Variants in VPS26C observed in about 807,000 individuals in gnomAD.
VPS26C encodes the protein vacuolar protein sorting-associated protein 26C.
In VPS26C, 19 loss-of-function variants were observed where a neutral mutation model predicts 30.6. The ratio of observed to expected loss-of-function variants is 0.62; its 90% confidence interval spans 0.43 to 0.91. VPS26C has a LOEUF of 0.91. VPS26C is among the 40% of genes least tolerant of loss of function. The pLI is 0.00. For synonymous variants in VPS26C, 132 were observed against 151.5 expected (o/e 0.87, Z 0.95); for missense variants, 318 against 385.1 (o/e 0.83, Z 1.46).
At chr21:37,251,764 T>C (rs2086195946) in intron 1 of VPS26C, among the ~76,000 whole-genome samples, 1 of 152,184 alleles carries the variant, frequency 6.6e-6, no homozygotes, top group South Asian at 2.1e-4. Context: ...TAGACCTCAA[T>C]GTACAAAGTT....
At chr21:37,265,754 C>G (rs1016952775) in intron 1 of VPS26C, among the ~76,000 whole-genome samples, 5 of 151,996 alleles carry the variant, frequency 3.3e-5, no homozygotes, top group African/African-American at 1.2e-4. Context: ...GGCAGGAATA[C>G]TACATAGGTG....
chr21:37,250,155 A>G (rs545497262), intron 1 of VPS26C, among the ~76,000 whole-genome samples: 1 of 152,184 alleles, frequency 6.6e-6, no homozygotes, highest in East Asian at 1.9e-4. Context: ...AATACAAAAA[A>G]TTAGCCAGGC....
At chr21:37,267,712 G>A (rs768077836), upstream of VPS26C, 78 of 247,824 alleles carry the variant, frequency 3.1e-4, no homozygotes, top group Non-Finnish European at 5.2e-4. Context: ...GCCTGCGCAG[G>A]AAGGATGACG....
In VPS26C at chr21:37,228,224, G is replaced by T. The variant is rs762949176; in HGVS notation, c.657C>A (p.Cys219Ter). ...VELQLVRVETCGCAEGYARDA... is the reference protein window; with the variant it reads ...VELQLVRVET ...CAGGCCTGGTGGCACGGCCCTCACCGCACGTCTCCACGCGCACCAGCTGCA... is the reference window on the plus strand; with the variant it reads ...CAGGCCTGGTGGCACGGCCCTCACCTCACGTCTCCACGCGCACCAGCTGCA... The change falls in exon 6 of 8, where the codon TGC becomes TGA. Residue 219 changes from cysteine (C) to a stop codon, truncating the protein, a stop_gained and splice_region_variant. Transcript: ENST00000309117. LOFTEE classifies it high-confidence loss of function. 6.8e-6 allele frequency: 11 copies of T among 1,611,120 alleles called. No homozygotes were observed. Among genetic ancestry groups the T allele is most frequent in the Non-Finnish European group, 9.3e-6 (11 of 1,179,960 alleles).
chr21:37,264,791 T>C (rs1249501783), intron 1 of VPS26C, among the ~76,000 whole-genome samples: 1 of 152,184 alleles, frequency 6.6e-6, no homozygotes, highest in African/African-American at 2.4e-5. Flanking sequence ...CTCCTAGGTA[T>C]ATATCCAAGA....
At chr21:37,267,772 C>G, upstream of VPS26C, 1 of 187,210 alleles carries the variant, frequency 5.3e-6, no homozygotes, top group Non-Finnish European at 1.1e-5. Context: ...AGTTGTCTTT[C>G]AGGAGGTTTT....
At chr21:37,262,968 T>C (rs1414756200) in intron 1 of VPS26C, among the ~76,000 whole-genome samples, 1 of 152,096 alleles carries the variant, frequency 6.6e-6, no homozygotes, top group East Asian at 1.9e-4. Flanking sequence ...TTTCGCCACG[T>C]TGGCCAGGCT....
At chr21:37,247,056 A>G (rs1191731484) in intron 1 of VPS26C, among the ~76,000 whole-genome samples, 1 of 152,196 alleles carries the variant, frequency 6.6e-6, no homozygotes, top group Non-Finnish European at 1.5e-5. Context: ...CACCTGGTCT[A>G]CACTTTTCAG....
rs2085905212 is a variant in VPS26C, at chr21:37,226,881, GTC to G, written c.811+771_811+772del. 1 of 152,182 alleles carries G rather than the reference GTC, an allele frequency of 6.6e-6. No individual in the cohort carries two copies. The highest frequency in any genetic ancestry group is 1.5e-5 in the Non-Finnish European group (1 of 68,036). The allele number at this position is 152,182 out of a possible 1,614,324, so 9.4% of individuals were successfully genotyped here. A position where few individuals can be genotyped will look rare whatever the true frequency, so the allele number is the denominator to read the frequency against. ...AGAAGGCTCGGTCCCTTCCTACTGG[GTC>G]TCTCTGTTCTACTTCTTCGTAGTGT... On this transcript the variant is annotated intron_variant, in intron 7 of 7. Transcript: ENST00000309117. This position sits in a 1 kb window ranked among gnomAD's most constrained non-coding sequence, Gnocchi z 4.1.
rs372307724 is a variant in VPS26C at position 37,233,445 on chromosome 21, A to G, written c.352-3T>C. On this transcript the variant is annotated splice_polypyrimidine_tract_variant and splice_region_variant and intron_variant, in intron 3 of 7. Coordinates refer to ENST00000309117, the MANE Select transcript of VPS26C (RefSeq NM_006052.2). This position sits in a 1 kb window ranked among gnomAD's most constrained non-coding sequence, Gnocchi z 5.2. ...TTCATGTCACAGCGCAGTGTATACTAAAGGGGAGAGTTGGAGGAAAAAAGT... is the reference window on the plus strand; with the variant it reads ...TTCATGTCACAGCGCAGTGTATACTGAAGGGGAGAGTTGGAGGAAAAAAGT... The G allele has an allele frequency of 6.2e-7, 1 of 1,612,528 alleles. No individual in the cohort carries two copies. Among genetic ancestry groups the G allele is most frequent in the African/African-American group, 1.3e-5 (1 of 74,896 alleles).
At chr21:37,238,191 A>G in intron 3 of VPS26C, 2 of 426,354 alleles carry the variant, frequency 4.7e-6, no homozygotes, top group Non-Finnish European at 8.4e-6. Flanking sequence ...ATCCCTTACA[A>G]TGTGAGGTGG....
intron 3 of VPS26C, among the ~76,000 whole-genome samples, chr21:37,235,000 T>C (rs530234911): frequency 4.6e-5 from 7 of 150,982 alleles, no homozygotes; most frequent in Admixed American, 2.6e-4. Flanking sequence ...CGCGCCACCA[T>C]GGCTGGCTAA....
intron 1 of VPS26C, among the ~76,000 whole-genome samples, chr21:37,246,862 A>T (rs1414823279): frequency 6.6e-6 from 1 of 152,178 alleles, no homozygotes; most frequent in South Asian, 2.1e-4. Context: ...GGCTCCAGTG[A>T]TCCTCCTGCC....
In VPS26C at chr21:37,253,820, G is replaced by C. The variant is rs141630219; in HGVS notation, c.58-13181C>G. Among the ~76,000 whole-genome samples, 716 of 152,206 alleles carry C rather than the reference G, an allele frequency of 4.7e-3. 12 individuals carry two copies. Among genetic ancestry groups the C allele is most frequent in the East Asian group, 0.029 (152 of 5,184 alleles). ...TGACATTCAAAGAAGACCCTCACTG[G>C]AGCATTTCGGATTCTGGATTTTTGG... On this transcript the variant is annotated intron_variant, in intron 1 of 7. Coordinates refer to ENST00000309117, the MANE Select transcript of VPS26C (RefSeq NM_006052.2).
intron 1 of VPS26C, among the ~76,000 whole-genome samples, chr21:37,263,875 T>C (rs1421504485): frequency 6.6e-6 from 1 of 152,182 alleles, no homozygotes; most frequent in Non-Finnish European, 1.5e-5. Context: ...ATCAGCTCCA[T>C]TGCAGCCAGC....
chr21:37,252,522 T>A (rs903301136), intron 1 of VPS26C, among the ~76,000 whole-genome samples: 2 of 152,174 alleles, frequency 1.3e-5, no homozygotes, highest in Admixed American at 6.5e-5. Context: ...TGCAGTTCAT[T>A]TCCTGGTACA....
chr21:37,227,535 G>T, intron 7 of VPS26C, 119 bp downstream of exon 7: 1 of 1,168,928 alleles, frequency 8.6e-7, no homozygotes, highest in Non-Finnish European at 1.2e-6. Context: ...CCTGTGGCAG[G>T]CCCTGGCACT....
intron 1 of VPS26C, among the ~76,000 whole-genome samples, chr21:37,256,478 G>C (rs1400861862): frequency 6.6e-6 from 1 of 152,134 alleles, no homozygotes; most frequent in Non-Finnish European, 1.5e-5. Flanking sequence ...TAATAAAAGG[G>C]TTTCATTGCT....
At chr21:37,264,902 A>G (rs2086342919) in intron 1 of VPS26C, among the ~76,000 whole-genome samples, 1 of 152,258 alleles carries the variant, frequency 6.6e-6, no homozygotes, top group South Asian at 2.1e-4. Context: ...TCAAGAGACC[A>G]GTGGTTAAAC....
Sources: gnomAD v4.1 joint callset for allele counts (sites outside exome capture counted in the v4.1 genomes callset) on GRCh38, gnomAD v4.1.1 for gene constraint, Gnocchi (gnomAD v3.1) non-coding constraint, MANE v1.5 for transcripts, NCBI Gene and HGNC (gene_info 2026-07-23, HGNC 2026-07-21) for gene names.